The following KLHL5 variants were observed in gnomAD, a reference collection of about 807,000 sequenced individuals.
KLHL5 encodes kelch-like protein 5.
A neutral mutation model predicts 77.7 loss-of-function variants in KLHL5; 48 were observed. The ratio of observed to expected loss-of-function variants is 0.62; its 90% confidence interval spans 0.49 to 0.79. KLHL5 has a LOEUF of 0.79. Among genes scored for constraint, KLHL5 ranks in the 30% least tolerant of loss-of-function variants. The pLI, the probability that KLHL5 is intolerant of heterozygous loss-of-function variation, is 0.00. For synonymous variants in KLHL5, 260 were observed against 297.0 expected (o/e 0.88, Z 1.28); for missense variants, 723 against 859.7 (o/e 0.84, Z 1.99).
intron 8 of KLHL5, among the ~76,000 whole-genome samples, chr4:39,109,819 G>A (rs1038424018): frequency 7.2e-4 from 108 of 151,014 alleles, no homozygotes; most frequent in Non-Finnish European, 2.2e-4. Context: ...AAGTATCTGG[G>A]ATTATAGGCA....
chr4:39,106,842 C>G (rs1215257788), intron 7 of KLHL5, among the ~76,000 whole-genome samples: 1 of 151,840 alleles, frequency 6.6e-6, no homozygotes, highest in Admixed American at 6.6e-5. Context: ...ACCTGAAACT[C>G]CTGAGTTCAG....
chr4:39,057,738 A>G (rs192028806), upstream of KLHL5, among the ~76,000 whole-genome samples: 22 of 152,310 alleles, frequency 1.4e-4, no homozygotes, highest in Admixed American at 5.2e-4. Flanking sequence ...GATTTTTTTA[A>G]TGCAGTGCAT....
chr4:39,082,283 G>A, intron 4 of KLHL5, 124 bp downstream of exon 4: 1 of 733,914 alleles, frequency 1.4e-6, no homozygotes, highest in Non-Finnish European at 2.2e-6. Context: ...GAGCTTCATT[G>A]CCTAGTGTGT....
intron 5 of KLHL5, among the ~76,000 whole-genome samples, chr4:39,093,922 T>C (rs1271560835): frequency 6.6e-6 from 1 of 151,728 alleles, no homozygotes; most frequent in African/African-American, 2.4e-5. Flanking sequence ...AAAAAATCTA[T>C]GGAAGTCTAT....
At chr4:39,116,048 C>G (rs1722810955) in intron 10 of KLHL5, 3 of 972,752 alleles carry the variant, frequency 3.1e-6, no homozygotes. Context: ...AACAAAGCTT[C>G]TAGGCCAGGC....
At position 39,081,014 on chromosome 4, in the gene KLHL5, G is replaced by C. The variant is rs576935013; in HGVS notation, c.567-89G>C. ...CATTTCCTAGTACCATGCACTGTGAGTAACAAATAAAAAAGAAGCAGCAGC... is the reference window on the plus strand; with the variant it reads ...CATTTCCTAGTACCATGCACTGTGACTAACAAATAAAAAAGAAGCAGCAGC... On this transcript the variant is annotated intron_variant, in intron 2 of 10. Coordinates refer to ENST00000504108, the MANE Select transcript of KLHL5 (RefSeq NM_015990.5). The surrounding 1 kb of genome is among the most constrained non-coding windows in gnomAD (Gnocchi z 4.3). 4.5e-6 allele frequency: 6 copies of C among 1,336,190 alleles called. No homozygotes were observed. The East Asian group carries it at 1.4e-4, about 31-fold the overall frequency. 82.8% of individuals were successfully genotyped at this position (1,336,190 alleles called of 1,614,324 possible).
chr4:39,106,797 C>T (rs767066833), intron 7 of KLHL5, among the ~76,000 whole-genome samples: 21 of 152,114 alleles, frequency 1.4e-4, no homozygotes, highest in Non-Finnish European at 2.5e-4. Flanking sequence ...CTCACTCTGT[C>T]ATCCGGGCTG....
At chr4:39,105,773 C>CAT (rs71192821) in intron 7 of KLHL5, among the ~76,000 whole-genome samples, 202 of 140,690 alleles carry the variant, frequency 1.4e-3, no homozygotes, top group African/African-American at 5.0e-3. Context: ...CACACACACA[C>CAT]ATAAAATCTC....
chr4:39,098,832 G>A (rs1204588410), intron 6 of KLHL5, among the ~76,000 whole-genome samples: 1 of 151,888 alleles, frequency 6.6e-6, no homozygotes, highest in Non-Finnish European at 1.5e-5. Flanking sequence ...CCAAAGTGCT[G>A]GCATTACAGG....
chr4:39,076,031 T>G lies in KLHL5; in HGVS notation c.450T>G (p.Phe150Leu). 1 of 1,613,010 alleles carries G rather than the reference T, an allele frequency of 6.2e-7. No individual in the cohort carries two copies. The highest frequency in any genetic ancestry group is 1.3e-5 in the African/African-American group (1 of 74,968). The change falls in exon 2 of 11, where the codon TTT (phenylalanine) becomes TTG (leucine). Residue 150 changes from phenylalanine to leucine, a missense_variant. This residue lies in a region of KLHL5 where 221 missense variants were observed against 222.1 expected (regional missense o/e 1.00). Transcript: ENST00000504108. ...HTMEPCTSDEFFQALNHAEQT... is the reference protein window; with the variant it reads ...HTMEPCTSDELFQALNHAEQT... ...TGGAGCCATGTACATCAGATGAATT[T>G]TTCCAAGCCCTTAATCATGCCGAGC...
intron 1 of KLHL5, among the ~76,000 whole-genome samples, chr4:39,073,164 GC>G (rs1718650852): frequency 6.6e-6 from 1 of 152,104 alleles, no homozygotes; most frequent in African/African-American, 2.4e-5. Context: ...AGGGTATGAG[GC>G]CTTGAACACT....
At chr4:39,110,559 C>CTCAA (rs765178608) in intron 8 of KLHL5, among the ~76,000 whole-genome samples, 7 of 152,236 alleles carry the variant, frequency 4.6e-5, no homozygotes, top group Non-Finnish European at 1.0e-4. Flanking sequence ...CCCTCCCAGG[C>CTCAA]TCAAGCTATC....
At chr4:39,046,856 G>C (rs1374996830) in intron 1 of KLHL5, among the ~76,000 whole-genome samples, 2 of 152,168 alleles carry the variant, frequency 1.3e-5, no homozygotes, top group South Asian at 2.1e-4. Context: ...GGAGTCACTT[G>C]ATCCATTTAT....
At chr4:39,103,217 CTG>C (rs35745478) in intron 6 of KLHL5, 68 bp from the exon 7 acceptor site, 584,277 of 1,112,368 alleles carry the variant, frequency 0.53, 154,663 homozygotes, top group Admixed American at 0.59. Context: ...ATTTTTGTAT[CTG>C]TAATTTCATA....
Position 39,079,580 on chromosome 4 carries a change from C to T in KLHL5, c.567-1523C>T, listed in dbSNP as rs186257791. Among the ~76,000 whole-genome samples, 34 of 152,266 alleles carry T rather than the reference C, an allele frequency of 2.2e-4. No homozygotes were observed. The East Asian group carries it at 5.8e-3, about 26-fold the overall frequency. On this transcript the variant is annotated intron_variant, in intron 2 of 10. Transcript: ENST00000504108. ...TCACATCTTTGCCCGTGTCACTTTC[C>T]GGTGAGACCACCTATTTAAACTTAC...
intron 1 of KLHL5, among the ~76,000 whole-genome samples, chr4:39,055,944 AT>A (rs1261361271): frequency 6.6e-6 from 1 of 152,148 alleles, no homozygotes; most frequent in Non-Finnish European, 1.5e-5. Context: ...ACTTATAGGT[AT>A]ATATTACAGT....
intron 1 of KLHL5, among the ~76,000 whole-genome samples, chr4:39,065,802 T>C (rs1220592446): frequency 2.0e-5 from 3 of 152,198 alleles, no homozygotes; most frequent in African/African-American, 7.2e-5. Context: ...ATGCATATGA[T>C]ATACTAATTA....
At chr4:39,103,974 C>CAAAA (rs35801364) in intron 7 of KLHL5, among the ~76,000 whole-genome samples, 17 of 93,186 alleles carry the variant, frequency 1.8e-4, no homozygotes, top group Admixed American at 2.8e-4. Flanking sequence ...ACATCTATCT[C>CAAAA]AAAAAAAAAA....
At chr4:39,139,805 AATC>A in the KLHL5 span, among the ~76,000 whole-genome samples, 7 of 152,232 alleles carry the variant, frequency 4.6e-5, no homozygotes, top group South Asian at 2.1e-4. Context: ...ATCTGGATCT[AATC>A]ATGATAAAAC....
Sources: allele counts gnomAD v4.1 joint callset (sites outside exome capture counted in the v4.1 genomes callset), GRCh38; gene constraint gnomAD v4.1.1; regional missense constraint gnomAD v4.1.1; non-coding constraint Gnocchi (gnomAD v3.1); transcripts MANE v1.5; gene names NCBI Gene and HGNC (gene_info 2026-07-23, HGNC 2026-07-21).